The following TSHR variants were observed in gnomAD, a reference collection of about 807,000 sequenced individuals.
TSHR encodes the protein thyrotropin receptor.
TSHR carries 51 observed loss-of-function variants against 64.1 expected under a neutral mutation model. The ratio of observed to expected loss-of-function variants is 0.80; its 90% CI spans 0.64 to 1.01. TSHR has a LOEUF of 1.01. Ranked by LOEUF, TSHR falls within the 50% of genes least tolerant of loss-of-function variation. The pLI is 0.00. For missense variants in TSHR, 877 were observed against 942.8 expected, an observed-to-expected ratio of 0.93 and a Z score of 0.91; for synonymous variants, 361 against 361.9, an observed-to-expected ratio of 1.00 and a Z score of 0.03.
intron 7 of TSHR, among the ~76,000 whole-genome samples, chr14:81,101,549 C>T (rs140735995): frequency 6.6e-6 from 1 of 152,264 alleles, no homozygotes; most frequent in Non-Finnish European, 1.5e-5. Flanking sequence ...GCTATACATA[C>T]ATTTAAGGTA....
At chr14:81,051,207 C>A (rs183134087) in intron 1 of TSHR, 1 of 152,378 alleles carries the variant, frequency 6.6e-6, no homozygotes, top group Admixed American at 6.5e-5. Context: ...AGAAGCAACT[C>A]CTTATCGAAT....
intron 1 of TSHR, among the ~76,000 whole-genome samples, chr14:81,044,990 A>G (rs1329062308): frequency 2.0e-5 from 3 of 152,234 alleles, no homozygotes; most frequent in African/African-American, 7.2e-5. Flanking sequence ...AAGACGTAGA[A>G]TCAACCTAAA....
intron 1 of TSHR, among the ~76,000 whole-genome samples, chr14:81,029,264 T>A (rs373039403): frequency 2.6e-5 from 4 of 152,260 alleles, no homozygotes; most frequent in South Asian, 2.1e-4. Context: ...GGGTTTTTTT[T>A]AATTATGAGG....
intron 3 of TSHR, among the ~76,000 whole-genome samples, chr14:81,076,527 G>A (rs79201526): frequency 3.3e-5 from 5 of 151,850 alleles, no homozygotes; most frequent in South Asian, 2.1e-4. Flanking sequence ...CTTGATTGTC[G>A]TCCTGAAATC....
At chr14:81,026,218 C>G (rs190533066) in intron 1 of TSHR, among the ~76,000 whole-genome samples, 48 of 152,296 alleles carry the variant, frequency 3.2e-4, no homozygotes, top group African/African-American at 1.0e-3. Flanking sequence ...TCTGATTTAT[C>G]TATTGCTGTA....
chr14:81,012,500 C>A (rs946090091), intron 1 of TSHR: 4 of 149,558 alleles, frequency 2.7e-5, no homozygotes, highest in Non-Finnish European at 3.0e-5. Context: ...GTTCTAGATC[C>A]CTGAGGAATC....
At chr14:81,033,560 T>G (rs77725685) in intron 1 of TSHR, among the ~76,000 whole-genome samples, 25 of 127,614 alleles carry the variant, frequency 2.0e-4, no homozygotes, top group South Asian at 5.5e-4. Flanking sequence ...AATCAGGGTT[T>G]TTTTTTTTTT....
chr14:80,988,702 C>T (rs1310402427), intron 1 of TSHR, among the ~76,000 whole-genome samples: 1 of 152,214 alleles, frequency 6.6e-6, no homozygotes, highest in Non-Finnish European at 1.5e-5. Context: ...GTCCACTAAG[C>T]TTGAGGAGCC....
intron 8 of TSHR, among the ~76,000 whole-genome samples, chr14:81,126,597 TA>T (rs1239617226): frequency 6.6e-6 from 1 of 152,186 alleles, no homozygotes; most frequent in Non-Finnish European, 1.5e-5. Flanking sequence ...TGGTAGAACA[TA>T]AAAGAATTTT....
chr14:80,968,386 T>G (rs1410416348), intron 1 of TSHR, among the ~76,000 whole-genome samples: 1 of 152,186 alleles, frequency 6.6e-6, no homozygotes, highest in Non-Finnish European at 1.5e-5. Context: ...TACTTTTTTT[T>G]TTTTTATTCT....
intron 1 of TSHR, among the ~76,000 whole-genome samples, chr14:80,970,411 T>G (rs941307260): frequency 1.4e-4 from 22 of 152,214 alleles, no homozygotes; most frequent in Admixed American, 4.6e-4. Context: ...GAGATCTCAG[T>G]CTCTACTAGG....
intron 1 of TSHR, among the ~76,000 whole-genome samples, chr14:80,984,911 G>C (rs185217831): frequency 5.9e-5 from 9 of 152,174 alleles, no homozygotes; most frequent in Admixed American, 1.3e-4. Flanking sequence ...CTTCCCCAAA[G>C]AGCTGAAATC....
chr14:81,076,860 C>CT (rs1420112362), intron 3 of TSHR, among the ~76,000 whole-genome samples: 1 of 152,158 alleles, frequency 6.6e-6, no homozygotes, highest in African/African-American at 2.4e-5. Context: ...ATCCAAGTAT[C>CT]TTAACATAAA....
intron 1 of TSHR, among the ~76,000 whole-genome samples, chr14:81,018,113 AC>A (rs1883524258): frequency 6.6e-6 from 1 of 152,114 alleles, no homozygotes; most frequent in South Asian, 2.1e-4. Flanking sequence ...TTACAATAGT[AC>A]CTAACATACT....
intron 1 of TSHR, among the ~76,000 whole-genome samples, chr14:81,026,506 A>T (rs1884061553): frequency 6.6e-6 from 1 of 152,182 alleles, no homozygotes; most frequent in African/African-American, 2.4e-5. Context: ...TAAAAATCAT[A>T]AAAAGGGCAA....
intron 8 of TSHR, 50 bp downstream of exon 8, chr14:81,108,502 T>TTTTTTCTTTTTACA: frequency 6.7e-7 from 1 of 1,486,228 alleles, no homozygotes; most frequent in South Asian, 1.2e-5. Flanking sequence ...TTCTTTTTTT[T>TTTTTTCTTTTTACA]TTTTTGGAAT....
Position 81,144,084 on chromosome 14 carries a change from T to C in TSHR, c.2026T>C (p.Phe676Leu), listed in dbSNP as rs779447985. 1.2e-6 allele frequency: 2 copies of C among 1,614,146 alleles called. No individual in the cohort carries two copies. The highest frequency in any genetic ancestry group is 3.3e-5 in the Admixed American group (2 of 60,020). ...TCCACTTAACTCCTGTGCCAATCCA[T>C]TCCTCTATGCTATTTTCACCAAGGC... ...FYPLNSCANP[F>L]LYAIFTKAFQ... The change falls in exon 10 of 10, where the codon TTC becomes CTC. Residue 676 changes from phenylalanine (F) to leucine (L), a missense_variant. By Grantham distance (22) the Phe-to-Leu change is conservative. Coordinates refer to ENST00000298171, the MANE Select transcript of TSHR (RefSeq NM_000369.5).
intron 1 of TSHR, among the ~76,000 whole-genome samples, chr14:80,986,769 G>A (rs72693078): frequency 0.24 from 36,617 of 152,224 alleles, 4,521 homozygotes; most frequent in Admixed American, 0.3. Flanking sequence ...TTACAGGCGT[G>A]AGCCACTGCT....
At chr14:80,983,413 A>C in intron 1 of TSHR, 1 of 1,203,084 alleles carries the variant, frequency 8.3e-7, no homozygotes, top group Non-Finnish European at 1.2e-6. Flanking sequence ...AATATATCTG[A>C]AAATCCAACT....
Sources: gnomAD v4.1 joint callset for allele counts (sites outside exome capture counted in the v4.1 genomes callset) on GRCh38, gnomAD v4.1.1 for gene constraint, MANE v1.5 for transcripts, NCBI Gene and HGNC (gene_info 2026-07-23, HGNC 2026-07-21) for gene names.